The following C9orf72 variants were observed in gnomAD, a reference collection of about 807,000 sequenced individuals.
C9orf72 encodes the protein C9orf72-SMCR8 complex subunit.
Under a neutral mutation model 51.6 loss-of-function variants are expected in C9orf72, and 44 were observed. That is an observed-to-expected ratio of 0.85 (90% confidence interval 0.67 to 1.10). The LOEUF is 1.10. Ranked by LOEUF, C9orf72 falls within the 50% of genes least tolerant of loss-of-function variation. C9orf72 has a pLI of 0.00. For missense variants in C9orf72, 607 were observed against 570.6 expected, an observed-to-expected ratio of 1.06 and a Z score of -0.65; for synonymous variants, 213 against 194.2, an observed-to-expected ratio of 1.10 and a Z score of -0.81.
At position 27,571,499 on chromosome 9, in the gene C9orf72, A is replaced by G. The variant is rs1819585518; in HGVS notation, c.-45+1932T>C. Among the ~76,000 whole-genome samples the G allele has an allele frequency of 1.3e-5, 2 of 152,126 alleles. 1 individual carries two copies. The highest frequency in any genetic ancestry group is 4.1e-4 in the South Asian group (2 of 4,826). ...GAGACAGGGTCTCGTTTTGTCATCC[A>G]GGCTGGAATGCACTGGCAGGATCAT... On this transcript the variant is annotated intron_variant, in intron 1 of 10. Transcript: ENST00000380003.
chr9:27,559,279 A>C (rs28550274), intron 6 of C9orf72: 1 of 151,412 alleles, frequency 6.6e-6, no homozygotes, highest in African/African-American at 2.4e-5. Flanking sequence ...AAAAAAAAAA[A>C]AAAAAACACT....
At chr9:27,550,836 C>T (rs1820891678) in intron 8 of C9orf72, 129 bp from the exon 9 acceptor site, 1 of 499,656 alleles carries the variant, frequency 2.0e-6, no homozygotes, top group South Asian at 3.3e-5. Context: ...TACATATAAA[C>T]ACATTTGTAA....
At chr9:27,558,203 T>C (rs1189371840) in intron 7 of C9orf72, among the ~76,000 whole-genome samples, 1 of 150,966 alleles carries the variant, frequency 6.6e-6, no homozygotes, top group East Asian at 1.9e-4. Context: ...TTATTTTTGA[T>C]GTGCAACCTG....
Position 27,547,807 on chromosome 9 carries a change from T to C in C9orf72, c.*429A>G, listed in dbSNP as rs1205748989. On this transcript the variant is annotated 3_prime_UTR_variant, in exon 11 of 11. Transcript: ENST00000380003. ...TTTAAAGGCTCTAGTTTTCAGTTGA[T>C]TGCAGAAGTATTACAGTAATTCTAC... 3 of 152,928 alleles carry C rather than the reference T, an allele frequency of 2.0e-5. No individual in the cohort carries two copies. The highest frequency in any genetic ancestry group is 4.4e-5 in the Non-Finnish European group (3 of 68,274). The allele number at this position is 152,928 out of a possible 1,614,324, so 9.5% of individuals were successfully genotyped here. A position where few individuals can be genotyped will look rare whatever the true frequency, so the allele number is the denominator to read the frequency against.
intron 1 of C9orf72, among the ~76,000 whole-genome samples, chr9:27,569,342 TCAC>T (rs1302874081): frequency 6.6e-6 from 1 of 152,226 alleles, no homozygotes; most frequent in Non-Finnish European, 1.5e-5. Context: ...TCACATTAAT[TCAC>T]CACTCACTCA....
upstream of C9orf72, chr9:27,573,505 CCG>C (rs1409378750): frequency 5.7e-5 from 5 of 87,258 alleles, no homozygotes; most frequent in Non-Finnish European, 1.2e-4. Context: ...GGGCCCGCCC[CCG>C]GGCCCGCCCC....
Position 27,548,095 on chromosome 9 carries a change from AG to A in C9orf72, c.*140del, listed in dbSNP as rs1252631822. ...TGACATCCCCTCACAGGCTCTTGTGAGAACTGTAGTGTAACTTACTTAACTG... is the reference window on the plus strand; with the variant it reads ...TGACATCCCCTCACAGGCTCTTGTGAAACTGTAGTGTAACTTACTTAACTG... On this transcript the variant is annotated 3_prime_UTR_variant, in exon 11 of 11. Coordinates refer to ENST00000380003, the MANE Select transcript of C9orf72 (RefSeq NM_018325.5). The A allele has an allele frequency of 1.9e-6, 1 of 523,992 alleles. No individual in the cohort carries two copies. Among genetic ancestry groups the A allele is most frequent in the East Asian group, 3.1e-5 (1 of 32,048 alleles). 32.5% of individuals were successfully genotyped at this position (523,992 alleles called of 1,614,324 possible). A position where few individuals can be genotyped will look rare whatever the true frequency, so the allele number is the denominator to read the frequency against.
intron 7 of C9orf72, among the ~76,000 whole-genome samples, chr9:27,558,228 T>TA (rs369338530): frequency 0.2 from 28,408 of 144,798 alleles, 2,909 homozygotes; most frequent in Non-Finnish European, 0.24. Flanking sequence ...AAGCATGTGT[T>TA]AAAAAAAAAA....
chr9:27,558,228 TAAA>T (rs369338530), intron 7 of C9orf72, among the ~76,000 whole-genome samples: 1 of 144,890 alleles, frequency 6.9e-6, no homozygotes, highest in Non-Finnish European at 1.5e-5. Context: ...AAGCATGTGT[TAAA>T]AAAAAAAAAG....
At chr9:27,557,752 T>C (rs1000340839) in intron 7 of C9orf72, among the ~76,000 whole-genome samples, 2 of 152,076 alleles carry the variant, frequency 1.3e-5, no homozygotes, top group Non-Finnish European at 2.9e-5. Context: ...TCTGAGTTCA[T>C]AGCAGCACAT....
intron 9 of C9orf72, among the ~76,000 whole-genome samples, chr9:27,549,635 T>C (rs1297371288): frequency 6.6e-6 from 1 of 152,200 alleles, no homozygotes; most frequent in Admixed American, 6.5e-5. Flanking sequence ...AAGTTCCATA[T>C]AATCTACGAT....
chr9:27,558,055 C>T (rs115768663), intron 7 of C9orf72, among the ~76,000 whole-genome samples: 3,323 of 149,038 alleles, frequency 0.022, 116 homozygotes, highest in African/African-American at 0.077. Flanking sequence ...CAATTTTTTT[C>T]TAATATATAT....
In C9orf72 at chr9:27,546,704, A is replaced by G. The variant is rs1280991475; in HGVS notation, c.*1532T>C. The G allele has an allele frequency of 2.0e-5, 3 of 152,230 alleles. No homozygotes were observed. Among genetic ancestry groups the G allele is most frequent in the Non-Finnish European group, 4.4e-5 (3 of 68,024 alleles). 9.4% of individuals were successfully genotyped at this position (152,230 alleles called of 1,614,324 possible). A position where few individuals can be genotyped will look rare whatever the true frequency, so the allele number is the denominator to read the frequency against. ...GAAAATAACCAGTTAGCACTTAAATAAGAATCTACCATGTAAAAAACACAG... is the reference window on the plus strand; with the variant it reads ...GAAAATAACCAGTTAGCACTTAAATGAGAATCTACCATGTAAAAAACACAG... On this transcript the variant is annotated 3_prime_UTR_variant, in exon 11 of 11. Transcript: ENST00000380003.
chr9:27,571,662 G>A (rs1368391926), intron 1 of C9orf72, among the ~76,000 whole-genome samples: 1 of 152,256 alleles, frequency 6.6e-6, no homozygotes, highest in Middle Eastern at 3.4e-3. Flanking sequence ...ACGTTGCCCA[G>A]GTTGAGCTTG....
Position 27,560,765 on chromosome 9 carries a change from T to C in C9orf72, c.666-466A>G, listed in dbSNP as rs1819323659. Reference sequence around the variant, plus strand: ...CCATCATGAGCCTAAAGGAAAAGACTGTGAACATAAAAGTGAATACTTTAT... The same window carrying C: ...CCATCATGAGCCTAAAGGAAAAGACCGTGAACATAAAAGTGAATACTTTAT... On this transcript the variant is annotated intron_variant, in intron 5 of 10. Transcript: ENST00000380003. 4.1e-6 allele frequency: 4 copies of C among 985,194 alleles called. No individual in the cohort carries two copies. The South Asian group carries it at 1.4e-4, about 35-fold the overall frequency. The allele number at this position is 985,194 out of a possible 1,614,324, so 61.0% of individuals were successfully genotyped here. A position where few individuals can be genotyped will look rare whatever the true frequency, so the allele number is the denominator to read the frequency against.
intron 8 of C9orf72, among the ~76,000 whole-genome samples, chr9:27,553,007 T>A (rs1302564739): frequency 2.6e-5 from 4 of 152,138 alleles, no homozygotes; most frequent in African/African-American, 9.7e-5. Flanking sequence ...TCCTCCTCAA[T>A]TTTTTGGAAC....
In C9orf72 at chr9:27,550,195, CACAA is replaced by C. The variant is rs568218501; in HGVS notation, c.1149+451_1149+454del. ...TGCTCGTACTATATATATATACACA[CACAA>C]ACATATATATATACTTGTACTACAT... On this transcript the variant is annotated intron_variant, in intron 9 of 10. Coordinates refer to ENST00000380003, the MANE Select transcript of C9orf72 (RefSeq NM_018325.5). Among the ~76,000 whole-genome samples the C allele has an allele frequency of 2.0e-5, 3 of 150,312 alleles. No individual in the cohort carries two copies. In the Admixed American group the frequency reaches 2.0e-4, roughly 10 times the overall value.
At chr9:27,570,121 G>A (rs1218688801) in intron 1 of C9orf72, among the ~76,000 whole-genome samples, 1 of 152,158 alleles carries the variant, frequency 6.6e-6, no homozygotes, top group African/African-American at 2.4e-5. Flanking sequence ...TTTTAAATAT[G>A]TTGTATCAAT....
At chr9:27,557,755 C>T (rs9969826) in intron 7 of C9orf72, among the ~76,000 whole-genome samples, 3,208 of 152,098 alleles carry the variant, frequency 0.021, 128 homozygotes, top group African/African-American at 0.073. Flanking sequence ...GAGTTCATAG[C>T]AGCACATTAT....
Sources: allele counts gnomAD v4.1 joint callset (sites outside exome capture counted in the v4.1 genomes callset), GRCh38; gene constraint gnomAD v4.1.1; transcripts MANE v1.5; gene names NCBI Gene and HGNC (gene_info 2026-07-23, HGNC 2026-07-21).